The following PACRG variants were observed in gnomAD, a reference collection of about 807,000 sequenced individuals.
PACRG encodes the protein parkin coregulated.
PACRG carries 29 observed loss-of-function variants against 29.7 expected under a neutral mutation model. That is an observed-to-expected ratio of 0.98 (90% confidence interval 0.73 to 1.33). The LOEUF (loss-of-function observed/expected upper bound fraction) is 1.33. Ranked by LOEUF, PACRG falls within the 40% of genes most tolerant of loss-of-function variation. The probability of loss-of-function intolerance (pLI) is 0.00; values close to 1 mark genes in which losing one functional copy is unlikely to be tolerated. For missense variants in PACRG, 279 were observed against 316.2 expected (o/e 0.88, Z 0.89); for synonymous variants, 116 against 118.7 (o/e 0.98, Z 0.15).
At chr6:162,804,268 G>A (rs1786124051) in intron 1 of PACRG, among the ~76,000 whole-genome samples, 1 of 152,106 alleles carries the variant, frequency 6.6e-6, no homozygotes, top group African/African-American at 2.4e-5. Context: ...TAACTTTGTA[G>A]TCTTGAAATC....
chr6:163,031,640 T>C (rs904315969), intron 2 of PACRG, among the ~76,000 whole-genome samples: 1 of 152,240 alleles, frequency 6.6e-6, no homozygotes. Context: ...AGGAAAATTA[T>C]TTTTTACATA....
intron 1 of PACRG, among the ~76,000 whole-genome samples, chr6:162,741,195 A>G (rs1780566426): frequency 6.6e-6 from 1 of 152,182 alleles, no homozygotes; most frequent in African/African-American, 2.4e-5. Context: ...TGCTTTTGTC[A>G]TATCATTCCA....
chr6:162,981,141 G>A (rs1045788553), intron 2 of PACRG, among the ~76,000 whole-genome samples: 1 of 151,764 alleles, frequency 6.6e-6, no homozygotes, highest in Non-Finnish European at 1.5e-5. Flanking sequence ...ACGATGTTTG[G>A]TTTTCCATTC....
intron 2 of PACRG, among the ~76,000 whole-genome samples, chr6:162,999,799 C>T (rs1332153990): frequency 6.6e-6 from 1 of 152,210 alleles, no homozygotes; most frequent in African/African-American, 2.4e-5. Flanking sequence ...AGTGAAATAT[C>T]ATTAATCCTG....
intron 4 of PACRG, among the ~76,000 whole-genome samples, chr6:163,102,511 G>A (rs541111072): frequency 6.6e-6 from 1 of 152,258 alleles, no homozygotes; most frequent in Admixed American, 6.5e-5. Context: ...CTCCCTCTCT[G>A]GGCTACCTCC....
At chr6:163,235,580 G>C (rs1782204128) in intron 4 of PACRG, among the ~76,000 whole-genome samples, 1 of 152,102 alleles carries the variant, frequency 6.6e-6, no homozygotes, top group South Asian at 2.1e-4. Flanking sequence ...TTCATCCCCT[G>C]TGTTAATGTC....
chr6:163,145,957 A>G (rs1777784367), intron 4 of PACRG, among the ~76,000 whole-genome samples: 2 of 152,150 alleles, frequency 1.3e-5, no homozygotes. Context: ...TAACCTTTCT[A>G]ACATGTATTA....
chr6:162,898,656 T>C (rs1470841640), intron 2 of PACRG, among the ~76,000 whole-genome samples: 2 of 152,224 alleles, frequency 1.3e-5, no homozygotes, highest in East Asian at 3.8e-4. Context: ...AGGATAATCA[T>C]AGAACCTACC....
chr6:162,768,274 A>G (rs1317221615), intron 1 of PACRG, among the ~76,000 whole-genome samples: 1 of 152,066 alleles, frequency 6.6e-6, no homozygotes, highest in Non-Finnish European at 1.5e-5. Context: ...TACTTCAAAT[A>G]TATTATTCAA....
intron 4 of PACRG, among the ~76,000 whole-genome samples, chr6:163,204,201 A>G (rs1021781730): frequency 6.6e-6 from 1 of 152,226 alleles, no homozygotes; most frequent in African/African-American, 2.4e-5. Context: ...GATCTTTATA[A>G]AAATGTGTGA....
chr6:162,936,204 C>G (rs924156149), intron 2 of PACRG, among the ~76,000 whole-genome samples: 4 of 152,144 alleles, frequency 2.6e-5, no homozygotes, highest in African/African-American at 9.7e-5. Flanking sequence ...GAAACCACCC[C>G]CATGATTCAA....
chr6:162,988,538 T>A (rs1461574460), intron 2 of PACRG, among the ~76,000 whole-genome samples: 1 of 152,168 alleles, frequency 6.6e-6, no homozygotes, highest in African/African-American at 2.4e-5. Context: ...TTGGATAGGA[T>A]CAGCTATGTT....
At chr6:162,941,741 A>C (rs967281184) in intron 2 of PACRG, among the ~76,000 whole-genome samples, 1 of 152,224 alleles carries the variant, frequency 6.6e-6, no homozygotes, top group Non-Finnish European at 1.5e-5. Flanking sequence ...AAATACATAC[A>C]ATTATAATTT....
At chr6:162,958,648 G>A (rs1216649927) in intron 2 of PACRG, among the ~76,000 whole-genome samples, 1 of 151,426 alleles carries the variant, frequency 6.6e-6, no homozygotes. Context: ...TAAGGATAAA[G>A]CAGCAATCAA....
At chr6:163,237,979 G>C (rs191899615) in intron 4 of PACRG, among the ~76,000 whole-genome samples, 107 of 152,236 alleles carry the variant, frequency 7.0e-4, no homozygotes, top group African/African-American at 2.6e-3. Flanking sequence ...AAAGTTCCTG[G>C]GGCTTTTCAT....
intron 2 of PACRG, among the ~76,000 whole-genome samples, chr6:163,016,642 A>AT (rs1806138803): frequency 1.3e-5 from 2 of 152,118 alleles, no homozygotes; most frequent in Admixed American, 6.5e-5. Context: ...TGAGCTAGTA[A>AT]GTTTTTTTAT....
intron 4 of PACRG, among the ~76,000 whole-genome samples, chr6:163,272,809 T>C (rs1783883359): frequency 6.6e-6 from 1 of 152,056 alleles, no homozygotes; most frequent in Non-Finnish European, 1.5e-5. Context: ...ATATCCTTAG[T>C]ATGATAAAAT....
chr6:162,779,295 G>T (rs1285438200), intron 1 of PACRG, among the ~76,000 whole-genome samples: 1 of 151,996 alleles, frequency 6.6e-6, no homozygotes, highest in Non-Finnish European at 1.5e-5. Flanking sequence ...CGAGCATTCG[G>T]GTTGATTTCA....
chr6:163,041,025 A>G (rs1808644963), intron 2 of PACRG, among the ~76,000 whole-genome samples: 1 of 152,056 alleles, frequency 6.6e-6, no homozygotes, highest in African/African-American at 2.4e-5. Context: ...CCTCACCCAA[A>G]TCTTATCTCA....
Sources: gnomAD v4.1 joint callset for allele counts (sites outside exome capture counted in the v4.1 genomes callset) on GRCh38, gnomAD v4.1.1 for gene constraint, MANE v1.5 for transcripts, NCBI Gene and HGNC (gene_info 2026-07-23, HGNC 2026-07-21) for gene names.